TMEM52B: variants seen among roughly 807,000 people sequenced by gnomAD.
TMEM52B encodes the protein transmembrane protein 52B.
Under a neutral mutation model 16.1 loss-of-function variants are expected in TMEM52B, and 11 were observed. That is an observed-to-expected ratio of 0.68 (90% CI 0.43 to 1.13). The LOEUF (loss-of-function observed/expected upper bound fraction) is 1.13. Among genes scored for constraint, TMEM52B ranks in the 50% most tolerant of loss-of-function variants. The probability of loss-of-function intolerance (pLI) is 0.00; values close to 1 mark genes in which losing one functional copy is unlikely to be tolerated. For synonymous variants in TMEM52B, 101 were observed against 93.8 expected (o/e 1.08, Z -0.45); for missense variants, 243 against 230.4 (o/e 1.05, Z -0.35).
intron 4 of TMEM52B, among the ~76,000 whole-genome samples, chr12:10,188,682 C>A (rs1321280348): frequency 1.3e-5 from 2 of 152,014 alleles, no homozygotes; most frequent in Admixed American, 6.6e-5. Flanking sequence ...GACTGGCCAA[C>A]ATGGTGAAAC....
At chr12:10,182,424 G>GC in intron 1 of TMEM52B, 126 bp from the exon 2 acceptor site, 2 of 1,380,238 alleles carry the variant, frequency 1.4e-6, no homozygotes, top group Non-Finnish European at 9.4e-7. Flanking sequence ...TAAATAGACT[G>GC]CCCCTATGAC....
upstream of TMEM52B, among the ~76,000 whole-genome samples, chr12:10,175,116 A>G (rs1449104116): frequency 6.6e-6 from 1 of 152,084 alleles, no homozygotes; most frequent in Non-Finnish European, 1.5e-5. Flanking sequence ...GGTGTTCATG[A>G]TCTTGTGTAA....
At position 10,190,091 on chromosome 12, in the gene TMEM52B, T is replaced by C. The variant is rs1948940599; in HGVS notation, c.503T>C (p.Leu168Pro). The C allele has an allele frequency of 2.5e-6, 4 of 1,614,198 alleles. No homozygotes were observed. The highest frequency in any genetic ancestry group is 2.5e-6 in the Non-Finnish European group (3 of 1,180,030). ...CCCCCAGTACCTGAAGAAAAGCAGC[T>C]GCCTCCAACAGAGAAGGAGTCGACT... ...DLPPVPEEKQ[L>P]PPTEKESTRI... The change falls in exon 5 of 5, where the codon CTG becomes CCG. Residue 168 changes from leucine (L) to proline (P), a missense_variant. Transcript: ENST00000543484.
At chr12:10,186,017 G>T (rs943195524) in intron 3 of TMEM52B, among the ~76,000 whole-genome samples, 2 of 152,026 alleles carry the variant, frequency 1.3e-5, no homozygotes, top group Non-Finnish European at 2.9e-5. Context: ...CTTCAGCCTG[G>T]GCAACAAGAG....
chr12:10,174,828 TATA>T (rs1948754052), upstream of TMEM52B, among the ~76,000 whole-genome samples: 1 of 152,246 alleles, frequency 6.6e-6, no homozygotes, highest in African/African-American at 2.4e-5. Flanking sequence ...GGTGGAATCA[TATA>T]ATATTTGTCC....
chr12:10,178,283 G>A (rs1389550064), upstream of TMEM52B, among the ~76,000 whole-genome samples: 11 of 151,972 alleles, frequency 7.2e-5, no homozygotes, highest in African/African-American at 1.4e-4. Context: ...TTGGGAGGCC[G>A]AGTCGGGCGG....
Position 10,189,201 on chromosome 12 carries a change from TAA to T in TMEM52B, c.308-679_308-678del, listed in dbSNP as rs34922857. Among the ~76,000 whole-genome samples the T allele has an allele frequency of 1.7e-3, 170 of 97,220 alleles. 1 individual carries two copies. The highest frequency in any genetic ancestry group is 4.8e-3 in the Admixed American group (40 of 8,278). The allele number at this position is 97,220 out of a possible 152,430, so 63.8% of individuals were successfully genotyped here. On this transcript the variant is annotated intron_variant, in intron 4 of 4. Coordinates refer to ENST00000543484, the MANE Select transcript of TMEM52B (RefSeq NM_001384896.1). ...CTGGGTGACAGAGTGAGACACTGTC[TAA>T]AAAAAAAAAAAAAAAGAAAAGAGAT...
chr12:10,188,023 C>T (rs1056263527), intron 4 of TMEM52B, among the ~76,000 whole-genome samples: 2 of 152,094 alleles, frequency 1.3e-5, no homozygotes, highest in African/African-American at 4.8e-5. Flanking sequence ...CGCTTGAACC[C>T]GGGAGGCAAA....
chr12:10,181,311 C>T (rs927738047), intron 1 of TMEM52B, among the ~76,000 whole-genome samples: 1 of 150,484 alleles, frequency 6.6e-6, no homozygotes, highest in Non-Finnish European at 1.5e-5. Flanking sequence ...ATTCTGTCTG[C>T]ATCAATAGGT....
intron 4 of TMEM52B, among the ~76,000 whole-genome samples, chr12:10,189,469 CA>C (rs11325113): frequency 0.089 from 13,466 of 150,936 alleles, 688 homozygotes; most frequent in South Asian, 0.2. Context: ...ACTAAAAATA[CA>C]AAAATTACCT....
chr12:10,174,581 A>G (rs1278626478), upstream of TMEM52B, among the ~76,000 whole-genome samples: 2 of 152,144 alleles, frequency 1.3e-5, no homozygotes, highest in Non-Finnish European at 2.9e-5. Flanking sequence ...CAACTCTCCC[A>G]GTTCTCCACT....
At chr12:10,184,453 G>A (rs1948857610) in intron 2 of TMEM52B, among the ~76,000 whole-genome samples, 1 of 152,110 alleles carries the variant, frequency 6.6e-6, no homozygotes, top group South Asian at 2.1e-4. Context: ...AGGGGACTGA[G>A]TCCTCACCCT....
At chr12:10,178,607 C>T (rs1948787301), upstream of TMEM52B, among the ~76,000 whole-genome samples, 1 of 149,948 alleles carries the variant, frequency 6.7e-6, no homozygotes. Context: ...TCCTGAGTGA[C>T]AAGACTTATT....
chr12:10,173,968 A>G (rs1948746703), intron 1 of TMEM52B, among the ~76,000 whole-genome samples: 1 of 152,088 alleles, frequency 6.6e-6, no homozygotes, highest in Non-Finnish European at 1.5e-5. Context: ...ACCACCATCC[A>G]TCTCCAGAAC....
intron 4 of TMEM52B, 93 bp from the exon 5 acceptor site, chr12:10,189,803 A>C: frequency 6.6e-7 from 1 of 1,520,192 alleles, no homozygotes; most frequent in Non-Finnish European, 8.8e-7. Context: ...CTTGTAAAAA[A>C]TGAAGCGACA....
rs989457643 is a variant in TMEM52B at position 10,191,769 on chromosome 12, A to C, written c.*1629A>C. ...CACCTGAAATGGCTTTGTTTTTATC[A>C]ATAAATACTTGTTGATTGCGGTAAA... On this transcript the variant is annotated 3_prime_UTR_variant, in exon 5 of 5. Transcript: ENST00000543484. 5.3e-5 allele frequency: 8 copies of C among 152,216 alleles called. No homozygotes were observed. Among genetic ancestry groups the C allele is most frequent in the Non-Finnish European group, 1.0e-4 (7 of 68,044 alleles). 9.4% of individuals were successfully genotyped at this position (152,216 alleles called of 1,614,324 possible).
chr12:10,172,255 A>AT, intron 1 of TMEM52B: 2 of 556,958 alleles, frequency 3.6e-6, no homozygotes, highest in Non-Finnish European at 3.2e-6. Context: ...GCTGACGCAA[A>AT]TTCTTGAGTT....
chr12:10,172,073 G>C, intron 1 of TMEM52B: 1 of 1,613,014 alleles, frequency 6.2e-7, no homozygotes. Context: ...GTCATCAAAA[G>C]TCATTTCCAA....
At chr12:10,175,603 T>A (rs940382239), upstream of TMEM52B, 8 of 152,276 alleles carry the variant, frequency 5.3e-5, no homozygotes, top group Non-Finnish European at 1.2e-4. Flanking sequence ...CTTGTTTAAC[T>A]TTTTTAACTC....
Sources: gnomAD v4.1 joint callset for allele counts (sites outside exome capture counted in the v4.1 genomes callset) on GRCh38, gnomAD v4.1.1 for gene constraint, MANE v1.5 for transcripts, NCBI Gene and HGNC (gene_info 2026-07-23, HGNC 2026-07-21) for gene names.